Variants in POLD1 observed in about 807,000 individuals in gnomAD.
The protein encoded by POLD1 is DNA polymerase delta catalytic subunit.
Under a neutral mutation model 129.7 loss-of-function variants are expected in POLD1, and 79 were observed. The ratio of observed to expected loss-of-function variants is 0.61; its 90% CI spans 0.51 to 0.73. The LOEUF is 0.73. Ranked by LOEUF, POLD1 falls within the 30% of genes least tolerant of loss-of-function variation. The pLI, the probability that POLD1 is intolerant of heterozygous loss-of-function variation, is 0.00. For synonymous variants in POLD1, 714 were observed against 683.3 expected, an observed-to-expected ratio of 1.04 and a Z score of -0.70; for missense variants, 1,338 against 1,595.8, an observed-to-expected ratio of 0.84 and a Z score of 2.75.
At chr19:50,398,292 C>T (rs994243779) in intron 1 of POLD1, among the ~76,000 whole-genome samples, 2 of 152,014 alleles carry the variant, frequency 1.3e-5, no homozygotes, top group Non-Finnish European at 2.9e-5. Context: ...TGTGCCAAGG[C>T]CGGGCGCGGA....
chr19:50,400,287 C>T (rs950674608), intron 3 of POLD1, among the ~76,000 whole-genome samples: 1 of 135,420 alleles, frequency 7.4e-6, no homozygotes, highest in African/African-American at 2.8e-5. Flanking sequence ...GTGGCACACT[C>T]TTGGCTCACT....
At position 50,417,984 on chromosome 19, in the gene POLD1, G is replaced by A; in HGVS notation, c.*37G>A. The A allele has an allele frequency of 7.9e-7, 1 of 1,273,238 alleles. No homozygotes were observed. Among genetic ancestry groups the A allele is most frequent in the Non-Finnish European group, 1.1e-6 (1 of 884,368 alleles). The allele number at this position is 1,273,238 out of a possible 1,614,324, so 78.9% of individuals were successfully genotyped here. A position where few individuals can be genotyped will look rare whatever the true frequency, so the allele number is the denominator to read the frequency against. On this transcript the variant is annotated 3_prime_UTR_variant, in exon 27 of 27. Coordinates refer to ENST00000440232, the MANE Select transcript of POLD1 (RefSeq NM_002691.4). ...TCCCATGGGGCGGGGGCGGGACCAGGGAGAATTAATAAAGTTCTGGACTTT... is the reference window on the plus strand; with the variant it reads ...TCCCATGGGGCGGGGGCGGGACCAGAGAGAATTAATAAAGTTCTGGACTTT...
At chr19:50,415,977 C>T in intron 22 of POLD1, 151 bp downstream of exon 22, 1 of 624,824 alleles carries the variant, frequency 1.6e-6, no homozygotes, top group Non-Finnish European at 2.8e-6. Context: ...GTGGCCTCGG[C>T]CCCCTCTGGA....
intron 17 of POLD1, among the ~76,000 whole-genome samples, chr19:50,410,082 C>T (rs1486240880): frequency 3.9e-5 from 6 of 152,166 alleles, no homozygotes; most frequent in Admixed American, 6.5e-5. Context: ...CAATAGGCGA[C>T]GCTCACACAG....
intron 20 of POLD1, 130 bp from the exon 21 acceptor site, chr19:50,415,308 G>A: frequency 1.1e-6 from 1 of 920,338 alleles, no homozygotes; most frequent in East Asian, 2.6e-5. Context: ...GCCTATGGTA[G>A]GAAGGGCCCC....
chr19:50,417,805 T>C, intron 26 of POLD1, 37 bp from the exon 27 acceptor site: 1 of 1,365,644 alleles, frequency 7.3e-7, no homozygotes. Flanking sequence ...CACTGGGCCT[T>C]GGCTGGTCCT....
intron 1 of POLD1, among the ~76,000 whole-genome samples, chr19:50,390,572 ATT>A (rs563258123): frequency 5.1e-5 from 7 of 136,060 alleles, no homozygotes; most frequent in Admixed American, 7.3e-5. Context: ...CTTGAGAACT[ATT>A]TTTTTTTTTT....
intron 3 of POLD1, 105 bp downstream of exon 3, chr19:50,399,589 C>T: frequency 1.1e-5 from 9 of 783,174 alleles, no homozygotes; most frequent in Non-Finnish European, 2.0e-5. Context: ...AGAGGCCGGG[C>T]CAGGTCAGCC....
At chr19:50,416,282 A>C (rs1639358615) in intron 22 of POLD1, 114 bp from the exon 23 acceptor site, 2 of 1,077,712 alleles carry the variant, frequency 1.9e-6, no homozygotes, top group Non-Finnish European at 2.6e-6. Context: ...GGCCCCCCCC[A>C]TGTCACAGCC....
chr19:50,398,251 C>T (rs117882241), intron 1 of POLD1, among the ~76,000 whole-genome samples: 4,088 of 152,098 alleles, frequency 0.027, 85 homozygotes, highest in Non-Finnish European at 0.046. Flanking sequence ...GGCGAGGTAT[C>T]GGAGACAGAG....
chr19:50,403,284 A>G (rs2038736689), intron 9 of POLD1, 65 bp downstream of exon 9: 1 of 1,458,908 alleles, frequency 6.9e-7, no homozygotes, highest in African/African-American at 1.4e-5. Flanking sequence ...GTCCTGAGCC[A>G]TCAGCTCCTG....
At position 50,407,990 on chromosome 19, in the gene POLD1, T is replaced by G. The variant is rs574353871; in HGVS notation, c.1775+575T>G. On this transcript the variant is annotated intron_variant, in intron 14 of 26. Coordinates refer to ENST00000440232, the MANE Select transcript of POLD1 (RefSeq NM_002691.4). ...GGTGGAGGCTGCAGTGAGCGATGATTGCGCCACTGCCCTCCAGCCTGGGCG... is the reference window on the plus strand; with the variant it reads ...GGTGGAGGCTGCAGTGAGCGATGATGGCGCCACTGCCCTCCAGCCTGGGCG... Among the ~76,000 whole-genome samples, 44 of 151,648 alleles carry G rather than the reference T, an allele frequency of 2.9e-4. No homozygotes were observed. In the East Asian group the frequency reaches 6.9e-3, roughly 24 times the overall value.
intron 13 of POLD1, 49 bp from the exon 14 acceptor site, chr19:50,407,278 G>A (rs368086982): frequency 5.1e-5 from 79 of 1,560,124 alleles, no homozygotes; most frequent in Non-Finnish European, 5.8e-5. Flanking sequence ...CTCCCAATCC[G>A]CACGGCCCCA....
chr19:50,412,694 C>T (rs571120458), intron 17 of POLD1, among the ~76,000 whole-genome samples: 108 of 151,930 alleles, frequency 7.1e-4, no homozygotes, highest in African/African-American at 2.3e-3. Flanking sequence ...CCTTGGTGTC[C>T]CCACCCCCAG....
At chr19:50,389,551 T>C (rs1447741170) in intron 1 of POLD1, among the ~76,000 whole-genome samples, 1 of 152,128 alleles carries the variant, frequency 6.6e-6, no homozygotes, top group Non-Finnish European at 1.5e-5. Flanking sequence ...CTGCCACGTG[T>C]CCCTGTAATA....
chr19:50,389,701 C>T (rs1414267616), intron 1 of POLD1, among the ~76,000 whole-genome samples: 3 of 151,714 alleles, frequency 2.0e-5, no homozygotes, highest in African/African-American at 7.3e-5. Flanking sequence ...ATTCTCTTGC[C>T]TCAGCCTCCC....
intron 19 of POLD1, 121 bp downstream of exon 19, chr19:50,414,000 A>G (rs2039187075): frequency 1.3e-5 from 14 of 1,075,154 alleles, no homozygotes. Context: ...GATTCTCCTG[A>G]GGCTGGGGCC....
rs1278114547 is a variant in POLD1, at chr19:50,406,271, G to A, written c.1332G>A (p.Arg444=). ...TCCAGTCCAAGCAGACGGGCCGGCG[G>A]GACACCAAGGTTGTCAGCATGGTGG... is the stretch of plus-strand genomic sequence containing the variant. ...SSFQSKQTGR[R]DTKVVSMVGR... The change falls in exon 11 of 27, where the codon CGG becomes CGA. Residue 444 remains arginine (R), a synonymous_variant. Coordinates refer to ENST00000440232, the MANE Select transcript of POLD1 (RefSeq NM_002691.4). The surrounding 1 kb of genome is among the most constrained non-coding windows in gnomAD (Gnocchi z 5.5). 2 of 1,614,022 alleles carry A rather than the reference G, an allele frequency of 1.2e-6. No individual in the cohort carries two copies. Among genetic ancestry groups the A allele is most frequent in the South Asian group, 2.2e-5 (2 of 91,084 alleles).
intron 1 of POLD1, chr19:50,387,705 G>C (rs745382762): frequency 6.6e-6 from 1 of 152,636 alleles, no homozygotes; most frequent in Non-Finnish European, 1.5e-5. Context: ...CGCTTCCTCT[G>C]TCCCACCCGG....
Sources: allele counts gnomAD v4.1 joint callset (sites outside exome capture counted in the v4.1 genomes callset), GRCh38; gene constraint gnomAD v4.1.1; non-coding constraint Gnocchi (gnomAD v3.1); transcripts MANE v1.5; gene names NCBI Gene and HGNC (gene_info 2026-07-23, HGNC 2026-07-21).